The following XDH variants were observed in gnomAD, a reference collection of about 807,000 sequenced individuals.
XDH encodes the protein xanthine dehydrogenase/oxidase.
A neutral mutation model predicts 156.1 loss-of-function variants in XDH; 138 were observed. That is an observed-to-expected ratio of 0.88 (90% CI 0.77 to 1.02). The LOEUF (loss-of-function observed/expected upper bound fraction) is 1.02. XDH is among the 50% of genes least tolerant of loss of function. The probability of loss-of-function intolerance (pLI) is 0.00; values close to 1 mark genes in which losing one functional copy is unlikely to be tolerated. For synonymous variants in XDH, 669 were observed against 625.7 expected (o/e 1.07, Z -1.03); for missense variants, 1,849 against 1,684.9 (o/e 1.10, Z -1.71).
chr2:31,392,802 T>A (rs916172232), intron 6 of XDH, among the ~76,000 whole-genome samples: 2 of 152,260 alleles, frequency 1.3e-5, no homozygotes, highest in Non-Finnish European at 2.9e-5. Flanking sequence ...TTTCACTGCA[T>A]CTTGCAAATT....
chr2:31,388,346 A>G (rs528097187), intron 6 of XDH, 51 bp from the exon 7 acceptor site: 90 of 1,593,262 alleles, frequency 5.6e-5, no homozygotes, highest in Non-Finnish European at 7.1e-5. Context: ...GAGTATTTGC[A>G]GAAGCTAAGG....
chr2:31,358,871 A>C (rs1171671916), intron 24 of XDH, among the ~76,000 whole-genome samples: 1 of 152,200 alleles, frequency 6.6e-6, no homozygotes, highest in Non-Finnish European at 1.5e-5. Flanking sequence ...CAAAGGAAGG[A>C]TATATGACCT....
At chr2:31,378,091 A>G (rs867161554) in intron 13 of XDH, among the ~76,000 whole-genome samples, 16 of 49,676 alleles carry the variant, frequency 3.2e-4, no homozygotes, top group Admixed American at 4.6e-4. Context: ...AGAAAGAAAG[A>G]AAGAAAGAAA....
chr2:31,348,181 G>T, intron 28 of XDH, 87 bp downstream of exon 28: 1 of 1,383,992 alleles, frequency 7.2e-7, no homozygotes, highest in Middle Eastern at 1.8e-4. Flanking sequence ...CCCCGGGCCT[G>T]CTTCTGCTCT....
chr2:31,347,667 C>T lies in XDH; in HGVS notation c.3148-17G>A, dbSNP rs368920281. On this transcript the variant is annotated splice_polypyrimidine_tract_variant and intron_variant, in intron 28 of 35. Coordinates refer to ENST00000379416, the MANE Select transcript of XDH (RefSeq NM_000379.4). ...ACTGGCCACCTGCGAAAAGAGAAGA[C>T]ATTGCCCTCTAGGGAAGGGGTTATC... 120 of 1,612,114 alleles carry T rather than the reference C, an allele frequency of 7.4e-5. No individual in the cohort carries two copies. In the East Asian group the frequency reaches 1.4e-3, roughly 19 times the overall value.
At chr2:31,370,332 A>T (rs771076007) in intron 18 of XDH, 23 bp downstream of exon 18, 1 of 1,613,528 alleles carries the variant, frequency 6.2e-7, no homozygotes, top group Admixed American at 1.7e-5. Context: ...AATTTACTTC[A>T]TATAAAAAAA....
chr2:31,386,579 A>G, intron 8 of XDH, 24 bp from the exon 9 acceptor site: 2 of 1,614,000 alleles, frequency 1.2e-6, no homozygotes, highest in South Asian at 1.1e-5. Flanking sequence ...TTTTCTTACT[A>G]CACTGTCTCC....
chr2:31,337,833 G>T lies in XDH; in HGVS notation c.3775-16C>A, dbSNP rs371202074. 1.2e-6 allele frequency: 2 copies of T among 1,613,222 alleles called. No individual in the cohort carries two copies. Among genetic ancestry groups the T allele is most frequent in the East Asian group, 2.2e-5 (1 of 44,872 alleles). On this transcript the variant is annotated splice_polypyrimidine_tract_variant and intron_variant, in intron 34 of 35. Transcript: ENST00000379416. ...CTCCAACAGCCTGAACACAGACAGG[G>T]CACAGGGCAGGGGCTCAGGCAGGTG...
intron 17 of XDH, among the ~76,000 whole-genome samples, chr2:31,371,270 C>T (rs1333270821): frequency 1.3e-5 from 2 of 152,246 alleles, no homozygotes; most frequent in East Asian, 3.8e-4. Context: ...TTCTAACCAT[C>T]TTCCAAATGC....
chr2:31,398,847 T>C (rs2148004316), intron 4 of XDH, 148 bp from the exon 5 acceptor site: 2 of 1,348,536 alleles, frequency 1.5e-6, no homozygotes, highest in Non-Finnish European at 2.0e-6. Context: ...ATTTACCAAC[T>C]GTGACCTTGG....
At position 31,337,799 on chromosome 2, in the gene XDH, G is replaced by A. The variant is rs1394841004; in HGVS notation, c.3793C>T (p.Leu1265Phe). The change falls in exon 35 of 36, where the codon CTC (leucine) becomes TTC (phenylalanine). Residue 1265 changes from leucine (L) to phenylalanine (F), a missense_variant. Physicochemically the swap from Leu to Phe is conservative, Grantham distance 22 (BLOSUM62 0). Coordinates refer to ENST00000379416, the MANE Select transcript of XDH (RefSeq NM_000379.4). ...AAGAAGATAGAAGCAGCCAGGAAGA[G>A]GGGCGGCTCTCCAACAGCCTGAACA... is the stretch of plus-strand genomic sequence containing the variant. ...YASKAVGEPP[L>F]FLAASIFFAI... 6.2e-7 allele frequency: 1 copy of A among 1,614,048 alleles called. No homozygotes were observed. The highest frequency in any genetic ancestry group is 8.5e-7 in the Non-Finnish European group (1 of 1,180,034).
chr2:31,361,203 G>T (rs531697768), intron 24 of XDH, among the ~76,000 whole-genome samples: 2 of 152,186 alleles, frequency 1.3e-5, no homozygotes, highest in East Asian at 3.8e-4. Flanking sequence ...TCCACTCATC[G>T]TAACAGCCCA....
intron 4 of XDH, among the ~76,000 whole-genome samples, chr2:31,400,918 A>C (rs890129576): frequency 3.9e-5 from 6 of 152,228 alleles, no homozygotes; most frequent in Non-Finnish European, 7.3e-5. Flanking sequence ...GCTCTTCTGC[A>C]TCCCTTCCTC....
At chr2:31,411,039 C>T (rs904624766) in intron 1 of XDH, among the ~76,000 whole-genome samples, 1 of 152,036 alleles carries the variant, frequency 6.6e-6, no homozygotes, top group Non-Finnish European at 1.5e-5. Flanking sequence ...AATACCAGCA[C>T]TTTGGGAGGC....
In XDH at chr2:31,342,286, A is replaced by C. The variant is rs758783161; in HGVS notation, c.3416T>G (p.Leu1139Arg). ...SATGFYRTPNLGYSFETNSGN... is the reference protein window; with the variant it reads ...SATGFYRTPNRGYSFETNSGN... ...TGAGTTAGTCTCAAAGCTGTAGCCC[A>C]GATTGGGTGTTCTGGGAGAGGAAAG... The change falls in exon 32 of 36, where the codon CTG (leucine) becomes CGG (arginine). Residue 1139 changes from leucine (L) to arginine (R), a missense_variant. By Grantham distance (102) the Leu-to-Arg change is moderately radical (BLOSUM62 -2). Transcript: ENST00000379416. 1 of 1,614,066 alleles carries C rather than the reference A, an allele frequency of 6.2e-7. No homozygotes were observed. Among genetic ancestry groups the C allele is most frequent in the Non-Finnish European group, 8.5e-7 (1 of 1,179,980 alleles).
In XDH at chr2:31,349,722, T is replaced by C. The variant is rs773575466; in HGVS notation, c.2933A>G (p.Tyr978Cys). The C allele has an allele frequency of 2.5e-6, 4 of 1,614,206 alleles. No homozygotes were observed. The Admixed American group carries it at 5.0e-5, about 20-fold the overall frequency. The change falls in exon 26 of 36, where the codon TAT (tyrosine) becomes TGT (cysteine). Residue 978 changes from tyrosine to cysteine, a missense_variant. Tyr to Cys is a radical substitution (Grantham distance 194, BLOSUM62 -2). Transcript: ENST00000379416. ...GTCAACCTCACTCTTCCGAGCATGA[T>C]ACTGAGAGCTTGCTAGGCATTCTTC... ...CWEECLASSQ[Y>C]HARKSEVDKF...
At chr2:31,379,295 C>A (rs181742821) in intron 13 of XDH, among the ~76,000 whole-genome samples, 1 of 152,150 alleles carries the variant, frequency 6.6e-6, no homozygotes, top group Non-Finnish European at 1.5e-5. Flanking sequence ...CAATCCACAG[C>A]GAGGTCAGTG....
intron 27 of XDH, among the ~76,000 whole-genome samples, chr2:31,348,692 A>G (rs1685368618): frequency 6.6e-6 from 1 of 152,232 alleles, no homozygotes; most frequent in African/African-American, 2.4e-5. Context: ...TAAGAACTAG[A>G]GGTTGATCCC....
chr2:31,411,207 A>G (rs2148014655), intron 1 of XDH, among the ~76,000 whole-genome samples: 1 of 150,886 alleles, frequency 6.6e-6, no homozygotes, highest in African/African-American at 2.4e-5. Context: ...GCTTGAACCC[A>G]GGCGGCAAGG....
Sources: gnomAD v4.1 joint callset for allele counts (sites outside exome capture counted in the v4.1 genomes callset) on GRCh38, gnomAD v4.1.1 for gene constraint, MANE v1.5 for transcripts, NCBI Gene and HGNC (gene_info 2026-07-23, HGNC 2026-07-21) for gene names.